GRIP1: variants seen among roughly 807,000 people sequenced by gnomAD.
GRIP1 encodes the protein glutamate receptor interacting protein 1.
GRIP1 carries 45 observed loss-of-function variants against 129.9 expected under a neutral mutation model. The observed-to-expected ratio is 0.35, with a 90% CI of 0.27 to 0.44. The LOEUF is 0.44. Among genes scored for constraint, GRIP1 ranks in the 20% least tolerant of loss-of-function variants. The pLI is 1.00. For missense variants in GRIP1, 1,196 were observed against 1,396.8 expected (o/e 0.86, Z 2.29); for synonymous variants, 530 against 520.8 (o/e 1.02, Z -0.24).
chr12:66,356,565 A>G (rs1238218220), intron 23 of GRIP1, among the ~76,000 whole-genome samples: 1 of 152,200 alleles, frequency 6.6e-6, no homozygotes, highest in Non-Finnish European at 1.5e-5. Flanking sequence ...AATTTCATAC[A>G]TATTCTAGAG....
chr12:66,574,291 CAA>C (rs2063065713), intron 2 of GRIP1, among the ~76,000 whole-genome samples: 1 of 152,226 alleles, frequency 6.6e-6, no homozygotes, highest in Admixed American at 6.5e-5. Flanking sequence ...AGGTAATAAA[CAA>C]ATGCGTTTTA....
chr12:66,769,205 G>A (rs368541777), intron 1 of GRIP1, among the ~76,000 whole-genome samples: 3 of 151,088 alleles, frequency 2.0e-5, no homozygotes, highest in African/African-American at 4.9e-5. Flanking sequence ...TTCACTGTAC[G>A]AATCTTTCTC....
chr12:66,682,879 TTC>T (rs2034639161), upstream of GRIP1, among the ~76,000 whole-genome samples: 1 of 152,214 alleles, frequency 6.6e-6, no homozygotes, highest in Non-Finnish European at 1.5e-5. Context: ...TCATAAATCT[TTC>T]TGTTACAAAA....
chr12:66,355,291 T>G (rs1026346646), intron 23 of GRIP1, among the ~76,000 whole-genome samples: 1 of 152,060 alleles, frequency 6.6e-6, no homozygotes, highest in African/African-American at 2.4e-5. Flanking sequence ...CTGAGGATAT[T>G]TTTCACAGGA....
At chr12:66,690,371 T>TACACAC (rs112206335) in intron 1 of GRIP1, among the ~76,000 whole-genome samples, 45 of 147,894 alleles carry the variant, frequency 3.0e-4, no homozygotes, top group East Asian at 2.8e-3. Context: ...TCAATAATAT[T>TACACAC]ACACACACAC....
intron 1 of GRIP1, among the ~76,000 whole-genome samples, chr12:66,922,866 C>A (rs2041235686): frequency 6.6e-6 from 1 of 152,174 alleles, no homozygotes; most frequent in Admixed American, 6.5e-5. Context: ...GACAGGATCT[C>A]CCTCTGAGCC....
At chr12:66,532,044 G>A (rs2061477511) in intron 4 of GRIP1, among the ~76,000 whole-genome samples, 1 of 152,136 alleles carries the variant, frequency 6.6e-6, no homozygotes, top group Admixed American at 6.6e-5. Flanking sequence ...AAATCTTGCT[G>A]ACTATAAAAT....
At chr12:66,630,865 G>C (rs2030697887) in intron 1 of GRIP1, among the ~76,000 whole-genome samples, 1 of 152,136 alleles carries the variant, frequency 6.6e-6, no homozygotes, top group African/African-American at 2.4e-5. Flanking sequence ...AAGCATTTCT[G>C]CAAAACTAAA....
chr12:66,372,074 T>C (rs1592713229), intron 22 of GRIP1, 147 bp from the exon 23 acceptor site: 4 of 683,090 alleles, frequency 5.9e-6, no homozygotes, highest in African/African-American at 1.8e-5. Flanking sequence ...GATGTACTAA[T>C]TGAACTATGA....
In GRIP1 at chr12:66,981,581, A is replaced by G. The variant is rs7302121; in HGVS notation, c.58+87469T>C. Among the ~76,000 whole-genome samples, 613 of 152,308 alleles carry G rather than the reference A, an allele frequency of 4.0e-3. 7 individuals carry two copies. The highest frequency in any genetic ancestry group is 0.014 in the African/African-American group (581 of 41,580). ...GAATAAGTTCCTATGTATTACCAAA[A>G]CTGTAACTTAGACTTTAGGTTGAAA... On this transcript the variant is annotated intron_variant, in intron 1 of 1. Coordinates refer to the GRIP1 transcript ENST00000643019.
chr12:66,361,472 T>C (rs547200574), intron 23 of GRIP1, among the ~76,000 whole-genome samples: 2 of 152,310 alleles, frequency 1.3e-5, no homozygotes, highest in East Asian at 3.9e-4. Flanking sequence ...GGTGCTGCCT[T>C]TCTCATTCAT....
intron 2 of GRIP1, chr12:66,569,078 T>C (rs999525851): frequency 1.7e-5 from 4 of 237,042 alleles, no homozygotes; most frequent in African/African-American, 9.3e-5. Flanking sequence ...GATTCCACCA[T>C]GCTATTTGCT....
chr12:66,973,340 G>A (rs994333866), intron 1 of GRIP1, among the ~76,000 whole-genome samples: 1 of 148,706 alleles, frequency 6.7e-6, no homozygotes, highest in Non-Finnish European at 1.5e-5. Context: ...TCTTTTGACA[G>A]GAAAATGGTT....
chr12:66,815,995 T>C (rs2039211894), intron 1 of GRIP1, among the ~76,000 whole-genome samples: 1 of 152,062 alleles, frequency 6.6e-6, no homozygotes. Flanking sequence ...ACAAGAAATA[T>C]TGTCCTTATA....
Position 67,046,522 on chromosome 12 carries a change from G to C in GRIP1, c.58+22528C>G, listed in dbSNP as rs939025125. Among the ~76,000 whole-genome samples, 8 of 152,192 alleles carry C rather than the reference G, an allele frequency of 5.3e-5. No homozygotes were observed. The South Asian group carries it at 1.4e-3, about 28-fold the overall frequency. On this transcript the variant is annotated intron_variant, in intron 1 of 1. Transcript: ENST00000643019. ...TTAAATCTTACAGTATATTTACATA[G>C]AACATAATAATAACCTCTGATATAA...
intron 5 of GRIP1, among the ~76,000 whole-genome samples, chr12:66,519,813 C>G (rs1382974727): frequency 6.6e-6 from 1 of 152,142 alleles, no homozygotes; most frequent in Non-Finnish European, 1.5e-5. Context: ...ATGACTAGGC[C>G]CACCTACAAT....
chr12:66,447,512 C>T (rs2138140402), intron 11 of GRIP1, among the ~76,000 whole-genome samples: 1 of 152,282 alleles, frequency 6.6e-6, no homozygotes, highest in Non-Finnish European at 1.5e-5. Context: ...AAAGATGCAA[C>T]CCTTTGACGA....
intron 1 of GRIP1, among the ~76,000 whole-genome samples, chr12:66,662,624 G>A (rs2033578310): frequency 6.6e-6 from 1 of 152,024 alleles, no homozygotes; most frequent in Non-Finnish European, 1.5e-5. Flanking sequence ...CCCTTCCTAG[G>A]ATTTGGTAAG....
intron 6 of GRIP1, among the ~76,000 whole-genome samples, chr12:66,517,187 TCCC>T (rs1230016771): frequency 6.6e-6 from 1 of 152,124 alleles, no homozygotes; most frequent in Non-Finnish European, 1.5e-5. Context: ...GCAGTTGTGT[TCCC>T]CCATCATTAT....
Sources: allele counts gnomAD v4.1 joint callset (sites outside exome capture counted in the v4.1 genomes callset), GRCh38; gene constraint gnomAD v4.1.1; transcripts MANE v1.5; gene names NCBI Gene and HGNC (gene_info 2026-07-23, HGNC 2026-07-21).